Variants in RAPGEF4 observed in about 807,000 individuals in gnomAD.
RAPGEF4 encodes the protein RAP guanine-nucleotide-exchange factor (GEF) 4.
RAPGEF4 carries 66 observed loss-of-function variants against 147.9 expected under a neutral mutation model. The ratio of observed to expected loss-of-function variants is 0.45; its 90% CI spans 0.37 to 0.55. The LOEUF is 0.55. Among genes scored for constraint, RAPGEF4 ranks in the 20% least tolerant of loss-of-function variants. The pLI is 0.00. For missense variants in RAPGEF4, 1,071 were observed against 1,257.3 expected (o/e 0.85, Z 2.24); for synonymous variants, 419 against 442.7 (o/e 0.95, Z 0.67).
chr2:172,927,354 G>T (rs906102633), intron 6 of RAPGEF4, among the ~76,000 whole-genome samples: 1 of 152,072 alleles, frequency 6.6e-6, no homozygotes, highest in African/African-American at 2.4e-5. Flanking sequence ...AGGTTAGAGA[G>T]AACAAATTAG....
At chr2:172,875,501 G>A (rs532022630) in intron 4 of RAPGEF4, among the ~76,000 whole-genome samples, 1 of 152,244 alleles carries the variant, frequency 6.6e-6, no homozygotes, top group African/African-American at 2.4e-5. Context: ...TTATTAAATA[G>A]GGAATCCTTT....
intron 4 of RAPGEF4, among the ~76,000 whole-genome samples, chr2:172,843,811 G>T (rs1691875652): frequency 6.6e-6 from 1 of 152,292 alleles, no homozygotes; most frequent in East Asian, 1.9e-4. Context: ...TTTACCCAAG[G>T]CGTACGCTAG....
chr2:173,031,200 G>A (rs1269622041), intron 26 of RAPGEF4, among the ~76,000 whole-genome samples: 1 of 151,972 alleles, frequency 6.6e-6, no homozygotes, highest in East Asian at 1.9e-4. Context: ...TGTTTGTAGG[G>A]CAGGTCCTCA....
chr2:172,764,649 C>A (rs1016511675), intron 1 of RAPGEF4, among the ~76,000 whole-genome samples: 1 of 152,198 alleles, frequency 6.6e-6, no homozygotes, highest in African/African-American at 2.4e-5. Flanking sequence ...AATTAAAGAG[C>A]ATCCATGCCT....
intron 17 of RAPGEF4, among the ~76,000 whole-genome samples, chr2:173,004,294 A>C (rs1694233677): frequency 6.6e-6 from 1 of 152,170 alleles, no homozygotes; most frequent in Non-Finnish European, 1.5e-5. Flanking sequence ...GACCCGATGA[A>C]TACAAGTACT....
chr2:173,006,796 T>A (rs918198253), intron 17 of RAPGEF4, among the ~76,000 whole-genome samples: 3 of 152,242 alleles, frequency 2.0e-5, no homozygotes, highest in African/African-American at 7.2e-5. Flanking sequence ...TTAGGAACAT[T>A]TTTTAGATTT....
chr2:173,031,168 C>T (rs1435519266), intron 26 of RAPGEF4, among the ~76,000 whole-genome samples: 3 of 152,100 alleles, frequency 2.0e-5, no homozygotes, highest in East Asian at 1.9e-4. Context: ...TTTCTTTTTC[C>T]GTCCCTCCTA....
In RAPGEF4 at chr2:173,042,403, G is replaced by A. The variant is rs1684872823; in HGVS notation, c.2853+5711G>A. ...AATCCCAGCACTTTGGGAGACTGAGGCGGGTGGATCATGGGGTCAGGAGTT... is the reference window on the plus strand; with the variant it reads ...AATCCCAGCACTTTGGGAGACTGAGACGGGTGGATCATGGGGTCAGGAGTT... On this transcript the variant is annotated intron_variant, in intron 29 of 30. Coordinates refer to ENST00000397081, the MANE Select transcript of RAPGEF4 (RefSeq NM_007023.4). This position sits in a 1 kb window ranked among gnomAD's most constrained non-coding sequence, Gnocchi z 4.2. Among the ~76,000 whole-genome samples, 1 of 152,162 alleles carries A rather than the reference G, an allele frequency of 6.6e-6. No individual in the cohort carries two copies. Among genetic ancestry groups the A allele is most frequent in the Non-Finnish European group, 1.5e-5 (1 of 68,020 alleles).
chr2:172,793,624 A>G (rs1559044098), intron 1 of RAPGEF4, among the ~76,000 whole-genome samples: 1 of 152,218 alleles, frequency 6.6e-6, no homozygotes, highest in Non-Finnish European at 1.5e-5. Flanking sequence ...TGAAATATCC[A>G]TCAAGAACAG....
intron 1 of RAPGEF4, among the ~76,000 whole-genome samples, chr2:172,746,406 G>T (rs1694770696): frequency 1.3e-5 from 2 of 152,102 alleles, no homozygotes; most frequent in Admixed American, 1.3e-4. Flanking sequence ...GACAAATGGT[G>T]GTCAAGAGCC....
At chr2:172,978,401 CCTA>C (rs1211292475) in intron 10 of RAPGEF4, among the ~76,000 whole-genome samples, 1 of 152,194 alleles carries the variant, frequency 6.6e-6, no homozygotes, top group Non-Finnish European at 1.5e-5. Context: ...GCCTTCTTCT[CCTA>C]CTGTGTCACC....
chr2:172,934,147 C>CTTT lies in RAPGEF4; in HGVS notation c.537+11865_537+11867dup, dbSNP rs5836396. ...AAAAATAACTATATTTTATTTAATC[C>CTTT]TTTTTTTTTTTTTTTTTTTTGCGTC... On this transcript the variant is annotated intron_variant, in intron 6 of 30. Coordinates refer to ENST00000397081, the MANE Select transcript of RAPGEF4 (RefSeq NM_007023.4). Among the ~76,000 whole-genome samples the CTTT allele has an allele frequency of 3.9e-3, 391 of 99,138 alleles. 10 individuals carry two copies. Among genetic ancestry groups the CTTT allele is most frequent in the Non-Finnish European group, 4.5e-3 (246 of 54,606 alleles). The allele number at this position is 99,138 out of a possible 152,430, so 65.0% of individuals were successfully genotyped here. A position where few individuals can be genotyped will look rare whatever the true frequency, so the allele number is the denominator to read the frequency against.
In RAPGEF4 at chr2:172,822,622, T is replaced by TATA. The variant is rs576881310; in HGVS notation, c.444+8199_444+8201dup. 1.8e-3 allele frequency among the ~76,000 whole-genome samples: 279 copies of TATA among 152,384 alleles called. 1 individual carries two copies. The highest frequency in any genetic ancestry group is 6.4e-3 in the African/African-American group (266 of 41,596). On this transcript the variant is annotated intron_variant, in intron 4 of 30. Coordinates refer to ENST00000397081, the MANE Select transcript of RAPGEF4 (RefSeq NM_007023.4). ...TATGGTGGGCCTGCCGGTAGGGTAC[T>TATA]ATAACCAGTAGTTGCTTTCTCTGAG...
At chr2:172,929,977 A>G (rs1685750733) in intron 6 of RAPGEF4, among the ~76,000 whole-genome samples, 2 of 152,218 alleles carry the variant, frequency 1.3e-5, no homozygotes, top group Non-Finnish European at 1.5e-5. Context: ...GGTGTTCAAG[A>G]GTATTAATGA....
intron 18 of RAPGEF4, among the ~76,000 whole-genome samples, chr2:173,014,865 T>G (rs1293946950): frequency 1.3e-5 from 2 of 152,232 alleles, no homozygotes. Context: ...ATGTTTTATC[T>G]TGTAGTCACG....
intron 4 of RAPGEF4, among the ~76,000 whole-genome samples, chr2:172,867,939 C>G (rs1216279836): frequency 3.9e-5 from 6 of 152,148 alleles, no homozygotes; most frequent in Non-Finnish European, 7.4e-5. Flanking sequence ...TTTAAAGCCA[C>G]TTTTTGTAGA....
intron 4 of RAPGEF4, among the ~76,000 whole-genome samples, chr2:172,888,641 T>G (rs1697522844): frequency 6.6e-6 from 1 of 152,256 alleles, no homozygotes; most frequent in Admixed American, 6.5e-5. Context: ...CCCCAAATAC[T>G]GTCTTTACCT....
intron 5 of RAPGEF4, among the ~76,000 whole-genome samples, chr2:172,920,780 A>G (rs1437122105): frequency 6.6e-6 from 1 of 152,142 alleles, no homozygotes; most frequent in East Asian, 1.9e-4. Context: ...ATAACCTCAT[A>G]CAATCAACCC....
chr2:172,749,783 T>C (rs935482428), intron 1 of RAPGEF4, among the ~76,000 whole-genome samples: 56 of 152,356 alleles, frequency 3.7e-4, no homozygotes, highest in Admixed American at 2.5e-3. Context: ...TTTTATGCTC[T>C]GTTTCCCTTT....
Sources: gnomAD v4.1 joint callset for allele counts (sites outside exome capture counted in the v4.1 genomes callset) on GRCh38, gnomAD v4.1.1 for gene constraint, Gnocchi (gnomAD v3.1) non-coding constraint, MANE v1.5 for transcripts, NCBI Gene and HGNC (gene_info 2026-07-23, HGNC 2026-07-21) for gene names.